ITGAM: variants seen among roughly 807,000 people sequenced by gnomAD.
ITGAM encodes integrin subunit alpha M.
A neutral mutation model predicts 137.5 loss-of-function variants in ITGAM; 79 were observed. That is an observed-to-expected ratio of 0.57 (90% confidence interval 0.48 to 0.69). The LOEUF (loss-of-function observed/expected upper bound fraction) is 0.69. ITGAM is among the 30% of genes least tolerant of loss of function. ITGAM has a pLI of 0.00. For missense variants in ITGAM, 1,343 were observed against 1,483.5 expected, an observed-to-expected ratio of 0.91 and a Z score of 1.56; for synonymous variants, 583 against 592.3, an observed-to-expected ratio of 0.98 and a Z score of 0.23.
At chr16:31,295,411 C>A (rs1468433086) in intron 12 of ITGAM, among the ~76,000 whole-genome samples, 1 of 151,664 alleles carries the variant, frequency 6.6e-6, no homozygotes, top group Non-Finnish European at 1.5e-5. Context: ...TGTTTTTCAC[C>A]TCTCTGGTTA....
chr16:31,293,362 G>A (rs2080104942), intron 12 of ITGAM, among the ~76,000 whole-genome samples: 2 of 151,906 alleles, frequency 1.3e-5, no homozygotes, highest in Admixed American at 6.6e-5. Context: ...GTCTTCCAGG[G>A]TTCTTATAGT....
Position 31,277,095 on chromosome 16 carries a change from G to A in ITGAM, c.1213+46G>A, listed in dbSNP as rs376292475. ...TTACTCTAAGAAGGGGTGAGGATTT[G>A]GCATAAGTCAACTAGCATAGATGTC... On this transcript the variant is annotated intron_variant, in intron 11 of 29. Coordinates refer to ENST00000544665, the MANE Select transcript of ITGAM (RefSeq NM_000632.4). The A allele has an allele frequency of 6.6e-5, 102 of 1,551,158 alleles. No homozygotes were observed. In the African/African-American group the frequency reaches 1.2e-3, roughly 19 times the overall value.
rs1219864575 is a variant in ITGAM at position 31,331,820 on chromosome 16, G to C, written c.*113G>C. 4 of 794,726 alleles carry C rather than the reference G, an allele frequency of 5.0e-6. No homozygotes were observed. Among genetic ancestry groups the C allele is most frequent in the Non-Finnish European group, 8.0e-6 (4 of 497,648 alleles). The allele number at this position is 794,726 out of a possible 1,614,324, so 49.2% of individuals were successfully genotyped here. ...ACAGCGAAGTATCCCCGACAGGACGGGCTTGGGCTTCCATTTGTGTGTGTG... is the reference window on the plus strand; with the variant it reads ...ACAGCGAAGTATCCCCGACAGGACGCGCTTGGGCTTCCATTTGTGTGTGTG... On this transcript the variant is annotated 3_prime_UTR_variant, in exon 30 of 30. Coordinates refer to ENST00000544665, the MANE Select transcript of ITGAM (RefSeq NM_000632.4).
At chr16:31,328,597 G>A (rs2080535690) in intron 23 of ITGAM, among the ~76,000 whole-genome samples, 1 of 151,212 alleles carries the variant, frequency 6.6e-6, no homozygotes, top group Non-Finnish European at 1.5e-5. Flanking sequence ...GCATGTGTGT[G>A]TGAGGATCTA....
intron 14 of ITGAM, among the ~76,000 whole-genome samples, chr16:31,314,474 T>C (rs1289627437): frequency 1.3e-5 from 2 of 152,212 alleles, no homozygotes; most frequent in Non-Finnish European, 2.9e-5. Context: ...CAGAAGCATT[T>C]ATTAAATAGG....
At chr16:31,289,888 C>G (rs754057159) in intron 12 of ITGAM, among the ~76,000 whole-genome samples, 66 of 152,066 alleles carry the variant, frequency 4.3e-4, no homozygotes, top group Middle Eastern at 3.4e-3. Context: ...TTGAGATCAG[C>G]CTGACCAACA....
At chr16:31,280,254 C>T (rs2079954130) in intron 12 of ITGAM, among the ~76,000 whole-genome samples, 2 of 152,010 alleles carry the variant, frequency 1.3e-5, no homozygotes, top group South Asian at 2.1e-4. Context: ...TTTAACGTAG[C>T]TTTTTCCAAT....
chr16:31,331,682 GT>G lies in ITGAM; in HGVS notation c.3435del (p.Pro1147ArgfsTer124), dbSNP rs753196295. The G allele has an allele frequency of 3.1e-6, 5 of 1,609,250 alleles. No homozygotes were observed. Among genetic ancestry groups the G allele is most frequent in the Non-Finnish European group, 4.2e-6 (5 of 1,178,100 alleles). ...RQYKDMMSEG[G>X]PPGAEPQ is the part of the protein sequence containing the mutation. ...TACAAGGACATGATGAGTGAAGGGG[GT>G]CCCCCGGGGGCCGAACCCCAGTAGC... On this transcript the variant is annotated frameshift_variant, in exon 30 of 30. Transcript: ENST00000544665. LOFTEE classifies it high-confidence loss of function.
intron 14 of ITGAM, among the ~76,000 whole-genome samples, chr16:31,298,809 G>T (rs2080165462): frequency 1.3e-5 from 2 of 151,172 alleles, no homozygotes; most frequent in Admixed American, 1.3e-4. Context: ...TCAACAAGGG[G>T]TCCTACGTTT....
At chr16:31,325,206 G>T (rs2080494667) in intron 19 of ITGAM, 57 bp from the exon 20 acceptor site, 19 of 1,565,772 alleles carry the variant, frequency 1.2e-5, no homozygotes, top group Non-Finnish European at 1.6e-5. Context: ...GCTGGAGCAG[G>T]CTTGCCACAG....
At chr16:31,276,636 G>C (rs1363561340) in intron 9 of ITGAM, 35 bp from the exon 10 acceptor site, 2 of 1,533,712 alleles carry the variant, frequency 1.3e-6, no homozygotes, top group African/African-American at 1.4e-5. Flanking sequence ...CCGGCCTTCT[G>C]CTTTCTTTAA....
At chr16:31,270,235 C>A (rs1272191837) in intron 5 of ITGAM, among the ~76,000 whole-genome samples, 2 of 146,698 alleles carry the variant, frequency 1.4e-5, no homozygotes, top group East Asian at 3.9e-4. Context: ...GCTCTGTGAC[C>A]CAGGCTGGAG....
chr16:31,303,648 T>A (rs2080238093), intron 14 of ITGAM, among the ~76,000 whole-genome samples: 1 of 152,142 alleles, frequency 6.6e-6, no homozygotes, highest in African/African-American at 2.4e-5. Flanking sequence ...GTTACATCAC[T>A]CTTGTCTTTG....
intron 28 of ITGAM, among the ~76,000 whole-genome samples, chr16:31,330,824 TAG>T (rs906055078): frequency 1.3e-4 from 19 of 142,280 alleles, no homozygotes; most frequent in Admixed American, 5.5e-4. Context: ...GAGAGAGAGA[TAG>T]AGAGTCAGAG....
intron 14 of ITGAM, among the ~76,000 whole-genome samples, chr16:31,299,598 C>T (rs550871509): frequency 1.3e-5 from 2 of 152,164 alleles, no homozygotes; most frequent in African/African-American, 4.8e-5. Context: ...TGTGAGCCAC[C>T]GCACCCTGCC....
chr16:31,298,502 G>A (rs2080162485), intron 14 of ITGAM, among the ~76,000 whole-genome samples: 1 of 152,212 alleles, frequency 6.6e-6, no homozygotes, highest in Non-Finnish European at 1.5e-5. Flanking sequence ...CCACTTTACA[G>A]ATGAGTAGAT....
Position 31,331,995 on chromosome 16 carries a change from AAGTGTGTGCATGTGTGCG to A in ITGAM, c.*305_*322del, listed in dbSNP as rs1016622493. On this transcript the variant is annotated 3_prime_UTR_variant, in exon 30 of 30. Coordinates refer to ENST00000544665, the MANE Select transcript of ITGAM (RefSeq NM_000632.4). Reference sequence around the variant, plus strand: ...TGTGTGCGTGTGTCCATGTGTGTGCAAGTGTGTGCATGTGTGCGAGTGTGTGCATGTGTGTGCTCAGGG... The same window carrying A: ...TGTGTGCGTGTGTCCATGTGTGTGCAAGTGTGTGCATGTGTGTGCTCAGGG... The A allele has an allele frequency of 3.7e-5, 17 of 463,814 alleles. No individual in the cohort carries two copies. Among genetic ancestry groups the A allele is most frequent in the South Asian group, 5.8e-5 (2 of 34,646 alleles). The allele number at this position is 463,814 out of a possible 1,614,324, so 28.7% of individuals were successfully genotyped here.
chr16:31,321,107 C>T, intron 14 of ITGAM, 134 bp from the exon 15 acceptor site: 1 of 914,982 alleles, frequency 1.1e-6, no homozygotes, highest in African/African-American at 1.7e-5. Context: ...TGTCCTAGTT[C>T]CTTGGTTAGT....
At chr16:31,260,397 G>A (rs2079686266) in intron 1 of ITGAM, among the ~76,000 whole-genome samples, 1 of 152,110 alleles carries the variant, frequency 6.6e-6, no homozygotes, top group African/African-American at 2.4e-5. Context: ...CGCAGCAGGT[G>A]TGAGACCCCT....
Sources: gnomAD v4.1 joint callset for allele counts (sites outside exome capture counted in the v4.1 genomes callset) on GRCh38, gnomAD v4.1.1 for gene constraint, MANE v1.5 for transcripts, NCBI Gene and HGNC (gene_info 2026-07-23, HGNC 2026-07-21) for gene names.